The following MGA variants were observed in gnomAD, a reference collection of about 807,000 sequenced individuals.
The protein encoded by MGA is MAX gene-associated protein.
A neutral mutation model predicts 261.1 loss-of-function variants in MGA; 40 were observed. The observed-to-expected ratio is 0.15, with a 90% CI of 0.12 to 0.20. MGA has a LOEUF of 0.20. Among genes scored for constraint, MGA ranks in the 10% least tolerant of loss-of-function variants. MGA has a pLI of 1.00. For missense variants in MGA, 3,397 were observed against 3,630.5 expected, an observed-to-expected ratio of 0.94 and a Z score of 1.65; for synonymous variants, 1,302 against 1,290.6, an observed-to-expected ratio of 1.01 and a Z score of -0.19.
At position 41,749,690 on chromosome 15, in the gene MGA, G is replaced by C; in HGVS notation, c.6083G>C (p.Arg2028Thr). Residue 2028 changes from arginine to threonine, a missense_variant, in exon 17 of 24, where the codon AGG becomes ACG. This residue lies in a region of MGA where 1,410 missense variants were observed against 1,386.4 expected (regional missense o/e 1.02). Transcript: ENST00000219905. ...ACTCTGAATGATTCCTTGGAAGATA[G>C]GGGTGATCATTTGGATGAAGAATGC... 6.2e-7 allele frequency: 1 copy of C among 1,614,040 alleles called. No individual in the cohort carries two copies. The highest frequency in any genetic ancestry group is 8.5e-7 in the Non-Finnish European group (1 of 1,179,898).
chr15:41,754,660 C>T (rs2063042472), intron 18 of MGA, 93 bp downstream of exon 18: 1 of 1,331,602 alleles, frequency 7.5e-7, no homozygotes. Flanking sequence ...GGTAACTCAT[C>T]TGGTTCCTTC....
upstream of MGA, among the ~76,000 whole-genome samples, chr15:41,657,730 C>G (rs1376472712): frequency 6.6e-6 from 1 of 151,802 alleles, no homozygotes; most frequent in Non-Finnish European, 1.5e-5. Context: ...TGTATGTAGC[C>G]CTTATTTTAT....
chr15:41,764,252 A>AT (rs71108132), intron 22 of MGA, among the ~76,000 whole-genome samples: 3,489 of 109,694 alleles, frequency 0.032, 223 homozygotes, highest in African/African-American at 0.1. Context: ...TGGTGTGGGT[A>AT]TTTTTTTTTT....
In MGA at chr15:41,743,386, A is replaced by C. The variant is rs547544044; in HGVS notation, c.5212+214A>C. Among the ~76,000 whole-genome samples, 4 of 152,354 alleles carry C rather than the reference A, an allele frequency of 2.6e-5. No individual in the cohort carries two copies. In the South Asian group the frequency reaches 8.3e-4, roughly 32 times the overall value. ...AATACGGGATTGCGATAAATCACTG[A>C]AAATATATGCAGTTTTATAAGCAGA... is the stretch of plus-strand genomic sequence containing the variant. On this transcript the variant is annotated intron_variant, in intron 15 of 23. Coordinates refer to ENST00000219905, the MANE Select transcript of MGA (RefSeq NM_001164273.2).
chr15:41,762,003 G>T, intron 21 of MGA, 126 bp from the exon 22 acceptor site: 1 of 1,033,496 alleles, frequency 9.7e-7, no homozygotes, highest in Non-Finnish European at 1.4e-6. Context: ...TGTTTCTTGT[G>T]AATTGTAATC....
At chr15:41,688,011 A>T (rs1001208382) in intron 2 of MGA, among the ~76,000 whole-genome samples, 2 of 152,058 alleles carry the variant, frequency 1.3e-5, no homozygotes, top group Admixed American at 1.3e-4. Context: ...ATATACTTCT[A>T]GGGTTGTTTA....
At chr15:41,704,387 C>T (rs572733732) in intron 5 of MGA, among the ~76,000 whole-genome samples, 12 of 152,028 alleles carry the variant, frequency 7.9e-5, no homozygotes, top group East Asian at 1.9e-4. Flanking sequence ...CGGCCAGGCG[C>T]GGTGGCTCAC....
At chr15:41,665,123 A>G (rs1038680126) in intron 1 of MGA, among the ~76,000 whole-genome samples, 3 of 152,224 alleles carry the variant, frequency 2.0e-5, no homozygotes, top group African/African-American at 4.8e-5. Context: ...AGATATTTTA[A>G]GCTTTGGAGC....
At chr15:41,690,945 G>A (rs2059247192) in intron 2 of MGA, among the ~76,000 whole-genome samples, 4 of 151,014 alleles carry the variant, frequency 2.6e-5, no homozygotes, top group African/African-American at 9.7e-5. Context: ...CTGAAACCTG[G>A]AAGTGTGAGT....
chr15:41,708,727 G>A (rs2060237373), intron 7 of MGA, among the ~76,000 whole-genome samples: 1 of 152,158 alleles, frequency 6.6e-6, no homozygotes, highest in African/African-American at 2.4e-5. Flanking sequence ...AATAATTGCT[G>A]CAGCCTTTTT....
chr15:41,748,642 G>A lies in MGA; in HGVS notation c.5218G>A (p.Ala1740Thr). 6.2e-7 allele frequency: 1 copy of A among 1,606,636 alleles called. No individual in the cohort carries two copies. The change falls in exon 16 of 24, where the codon GCT (alanine) becomes ACT (threonine). Residue 1740 changes from alanine to threonine, a missense_variant. This residue lies in a region of MGA where 1,410 missense variants were observed against 1,386.4 expected (regional missense o/e 1.02). Transcript: ENST00000219905. ...TTCCATTTCCTGTTTTTCAGAAAAT[G>A]CTGCTCAAATTCCAGTGGCTACTCC...
At chr15:41,625,698 A>T (rs1566919440) in intron 1 of MGA, among the ~76,000 whole-genome samples, 1 of 151,722 alleles carries the variant, frequency 6.6e-6, no homozygotes, top group Non-Finnish European at 1.5e-5. Flanking sequence ...TGGGCGACAG[A>T]GTGTGTGTCC....
chr15:41,683,556 G>C (rs956642602), intron 2 of MGA, among the ~76,000 whole-genome samples: 2 of 146,604 alleles, frequency 1.4e-5, no homozygotes, highest in African/African-American at 5.0e-5. Flanking sequence ...TTAGTTCTTT[G>C]TTCTATTAAT....
rs576444648 is a variant in MGA at position 41,715,044 on chromosome 15, T to C, written c.3430+1548T>C. On this transcript the variant is annotated intron_variant, in intron 9 of 23. Coordinates refer to ENST00000219905, the MANE Select transcript of MGA (RefSeq NM_001164273.2). ...TAATTTTGTAATTTACATTTTCGTT[T>C]TGTTCAAGGTTCCCTCCCCCACTGC... 2.0e-5 allele frequency among the ~76,000 whole-genome samples: 3 copies of C among 152,150 alleles called. No homozygotes were observed. The East Asian group carries it at 5.8e-4, about 29-fold the overall frequency.
chr15:41,643,763 CTTT>C (rs748421290), intron 1 of MGA, among the ~76,000 whole-genome samples: 2 of 138,070 alleles, frequency 1.4e-5, no homozygotes, highest in Non-Finnish European at 1.6e-5. Context: ...TTGTGTCATA[CTTT>C]TTTTTTTTTT....
In MGA at chr15:41,708,131, C is replaced by G; in HGVS notation, c.2348C>G (p.Thr783Arg). Residue 783 changes from threonine (T) to arginine (R), a missense_variant, in exon 7 of 24, where the codon ACA becomes AGA. Transcript: ENST00000219905. ...GCGGGATTTCCCTTTGTTTCTAGGA[C>G]AGGGAAAACCAATGATTTCACTAAG... 1.3e-6 allele frequency: 2 copies of G among 1,594,818 alleles called. No homozygotes were observed. The highest frequency in any genetic ancestry group is 1.7e-6 in the Non-Finnish European group (2 of 1,170,220).
At chr15:41,748,174 T>C (rs2062613343) in intron 15 of MGA, among the ~76,000 whole-genome samples, 2 of 152,102 alleles carry the variant, frequency 1.3e-5, no homozygotes, top group Admixed American at 1.3e-4. Context: ...GGAGGATCTC[T>C]TGAACCAAGG....
At position 41,750,525 on chromosome 15, in the gene MGA, A is replaced by T; in HGVS notation, c.6918A>T (p.Glu2306Asp). The change falls in exon 17 of 24, where the codon GAA (glutamate) becomes GAT (aspartate). Residue 2306 changes from glutamate (E) to aspartate (D), a missense_variant. Coordinates refer to ENST00000219905, the MANE Select transcript of MGA (RefSeq NM_001164273.2). ...TTTTGGATTTGGAAGAAGATGATGA[A>T]GATGATAATGAGAAAACTGATGATT... 2 of 1,613,528 alleles carry T rather than the reference A, an allele frequency of 1.2e-6. No individual in the cohort carries two copies. The highest frequency in any genetic ancestry group is 1.7e-6 in the Non-Finnish European group (2 of 1,179,646).
Position 41,767,972 on chromosome 15 carries a change from T to C in MGA, c.*692T>C, listed in dbSNP as rs955721122. 2 of 152,488 alleles carry C rather than the reference T, an allele frequency of 1.3e-5. No homozygotes were observed. The highest frequency in any genetic ancestry group is 2.9e-5 in the Non-Finnish European group (2 of 68,044). 9.4% of individuals were successfully genotyped at this position (152,488 alleles called of 1,614,324 possible). On this transcript the variant is annotated 3_prime_UTR_variant, in exon 24 of 24. Transcript: ENST00000219905. ...TTAAAAAAATAGTAGTTCTCCCTTATTATTTTTGTGGGCATTGAAAAGCTC... is the reference window on the plus strand; with the variant it reads ...TTAAAAAAATAGTAGTTCTCCCTTACTATTTTTGTGGGCATTGAAAAGCTC...
Sources: allele counts gnomAD v4.1 joint callset (sites outside exome capture counted in the v4.1 genomes callset), GRCh38; gene constraint gnomAD v4.1.1; regional missense constraint gnomAD v4.1.1; transcripts MANE v1.5; gene names NCBI Gene and HGNC (gene_info 2026-07-23, HGNC 2026-07-21).